The following MACROH2A2 variants were observed in gnomAD, a reference collection of about 807,000 sequenced individuals.
MACROH2A2 encodes the protein core histone macro-H2A.2.
MACROH2A2 carries 6 observed loss-of-function variants against 37.6 expected under a neutral mutation model. The observed-to-expected ratio is 0.16, with a 90% CI of 0.09 to 0.32. The LOEUF (loss-of-function observed/expected upper bound fraction) is 0.32. Among genes scored for constraint, MACROH2A2 ranks in the 10% least tolerant of loss-of-function variants. MACROH2A2 has a pLI of 1.00. For synonymous variants in MACROH2A2, 192 were observed against 202.7 expected, an observed-to-expected ratio of 0.95 and a Z score of 0.45; for missense variants, 290 against 485.9, an observed-to-expected ratio of 0.60 and a Z score of 3.79.
chr10:70,096,748 T>A, intron 6 of MACROH2A2, among the ~76,000 whole-genome samples: 1 of 152,140 alleles, frequency 6.6e-6, no homozygotes, highest in Non-Finnish European at 1.5e-5. Context: ...CAATTTGAGG[T>A]AGATGCTAGT....
chr10:70,083,356 C>A (rs777144072), intron 2 of MACROH2A2, among the ~76,000 whole-genome samples: 1 of 152,208 alleles, frequency 6.6e-6, no homozygotes, highest in Non-Finnish European at 1.5e-5. Flanking sequence ...ACTCTTCTCT[C>A]CCACCCAAAT....
intron 2 of MACROH2A2, among the ~76,000 whole-genome samples, chr10:70,089,524 C>T (rs1589837116): frequency 6.6e-6 from 1 of 152,106 alleles, no homozygotes; most frequent in Admixed American, 6.5e-5. Flanking sequence ...GGCTTGCCTT[C>T]TTTGGCCAAA....
intron 7 of MACROH2A2, among the ~76,000 whole-genome samples, chr10:70,103,558 G>C (rs2072318589): frequency 6.6e-6 from 1 of 152,146 alleles, no homozygotes; most frequent in Non-Finnish European, 1.5e-5. Context: ...AAGTAGAAAA[G>C]CATTATTTAA....
chr10:70,059,961 C>T (rs2072041614), intron 1 of MACROH2A2, among the ~76,000 whole-genome samples: 1 of 152,136 alleles, frequency 6.6e-6, no homozygotes, highest in Admixed American at 6.5e-5. Context: ...CCAGGAGCTA[C>T]AGGGGACCCA....
intron 5 of MACROH2A2, among the ~76,000 whole-genome samples, chr10:70,094,087 T>C (rs1022812938): frequency 6.6e-6 from 1 of 152,190 alleles, no homozygotes; most frequent in Non-Finnish European, 1.5e-5. Flanking sequence ...GGAAGCTCTT[T>C]CTGGTCAGTA....
At chr10:70,074,752 G>A (rs541802593) in intron 1 of MACROH2A2, among the ~76,000 whole-genome samples, 2 of 152,248 alleles carry the variant, frequency 1.3e-5, no homozygotes, top group African/African-American at 2.4e-5. Context: ...TATAAGACGT[G>A]CCTTTCACCT....
chr10:70,071,762 T>C (rs1373551889), intron 1 of MACROH2A2, among the ~76,000 whole-genome samples: 1 of 152,238 alleles, frequency 6.6e-6, no homozygotes, highest in Non-Finnish European at 1.5e-5. Context: ...TGGTAAGTTT[T>C]TGTGTCTCTA....
Position 70,095,656 on chromosome 10 carries a change from G to C in MACROH2A2, c.591G>C (p.Leu197=). The part of the protein sequence containing the change: ...SSKSLVLGQK[L]SLTQSDISHI... ...ACCACCTTTTCTTCCTAATGCAGCT[G>C]TCCTTAACCCAGAGTGACATCAGCC... Residue 197 remains leucine, a splice_region_variant and synonymous_variant, in exon 6 of 9, where the codon CTG becomes CTC. Coordinates refer to ENST00000373255, the MANE Select transcript of MACROH2A2 (RefSeq NM_018649.3). 1 of 1,483,974 alleles carries C rather than the reference G, an allele frequency of 6.7e-7. No individual in the cohort carries two copies. Among genetic ancestry groups the C allele is most frequent in the Non-Finnish European group, 9.4e-7 (1 of 1,062,406 alleles). The allele number at this position is 1,483,974 out of a possible 1,614,324, so 91.9% of individuals were successfully genotyped here. A position where few individuals can be genotyped will look rare whatever the true frequency, so the allele number is the denominator to read the frequency against.
rs759303330 is a variant in MACROH2A2, at chr10:70,109,190, G to A, written c.936G>A (p.Pro312=). The change falls in exon 8 of 9, where the codon CCG becomes CCA. Residue 312 remains proline, a synonymous_variant. Coordinates refer to ENST00000373255, the MANE Select transcript of MACROH2A2 (RefSeq NM_018649.3). ...AGAAGCTAAAGTCCGTCGCGTTCCC[G>A]CCTTTCCCCAGCGGCAGGTAAGATG... is the stretch of plus-strand genomic sequence containing the variant. ...EDKKLKSVAF[P]PFPSGRNCFP... is the part of the protein sequence containing the mutation. 6.8e-6 allele frequency: 11 copies of A among 1,613,856 alleles called. No homozygotes were observed. The highest frequency in any genetic ancestry group is 2.7e-5 in the African/African-American group (2 of 74,934).
At chr10:70,101,659 G>A (rs2072307759) in intron 7 of MACROH2A2, among the ~76,000 whole-genome samples, 1 of 143,220 alleles carries the variant, frequency 7.0e-6, no homozygotes, top group Non-Finnish European at 1.5e-5. Context: ...GTCATGCCCA[G>A]TGCCCCCCTC....
intron 6 of MACROH2A2, 144 bp downstream of exon 6, chr10:70,095,897 C>T (rs964522689): frequency 5.4e-5 from 29 of 541,518 alleles, no homozygotes; most frequent in Non-Finnish European, 7.3e-5. Flanking sequence ...TGAACAGTTT[C>T]ACTAGAGAGA....
chr10:70,097,529 G>A (rs2072282760), intron 6 of MACROH2A2, among the ~76,000 whole-genome samples: 1 of 152,080 alleles, frequency 6.6e-6, no homozygotes, highest in Non-Finnish European at 1.5e-5. Flanking sequence ...ATGTTATTAT[G>A]GGAAAAGTCA....
In MACROH2A2 at chr10:70,054,052, G is replaced by C. The variant is rs568156637; in HGVS notation, c.-60+1052G>C. On this transcript the variant is annotated intron_variant, in intron 1 of 8. Coordinates refer to ENST00000373255, the MANE Select transcript of MACROH2A2 (RefSeq NM_018649.3). Reference sequence around the variant, plus strand: ...GGGTGTCCTCCCCCGCCTTTCCTTGGGGGGGCGCCCTCAGTTCTTGCCCTC... The same window carrying C: ...GGGTGTCCTCCCCCGCCTTTCCTTGCGGGGGCGCCCTCAGTTCTTGCCCTC... Among the ~76,000 whole-genome samples the C allele has an allele frequency of 1.7e-4, 26 of 152,206 alleles. No individual in the cohort carries two copies. In the South Asian group the frequency reaches 1.9e-3, roughly 11 times the overall value.
intron 1 of MACROH2A2, among the ~76,000 whole-genome samples, chr10:70,064,802 CTT>C (rs1205668266): frequency 1.3e-5 from 2 of 152,118 alleles, no homozygotes; most frequent in Non-Finnish European, 2.9e-5. Context: ...AACGAAAACT[CTT>C]TTTGTTCCCA....
At chr10:70,079,567 A>G (rs148518903) in intron 2 of MACROH2A2, among the ~76,000 whole-genome samples, 9,891 of 97,600 alleles carry the variant, frequency 0.1, 371 homozygotes, top group East Asian at 0.3. Flanking sequence ...GCGCGCGCGC[A>G]CACACACACA....
intron 4 of MACROH2A2, 84 bp from the exon 5 acceptor site, chr10:70,093,651 G>A (rs2072259157): frequency 2.8e-6 from 2 of 702,848 alleles, no homozygotes; most frequent in Admixed American, 2.3e-5. Context: ...TCAACTTGGT[G>A]GCAGCCGTGA....
chr10:70,056,802 G>A (rs192518168), intron 1 of MACROH2A2, among the ~76,000 whole-genome samples: 1 of 152,274 alleles, frequency 6.6e-6, no homozygotes, highest in East Asian at 1.9e-4. Flanking sequence ...CCAAGGTTCA[G>A]GTTGAAGGAT....
chr10:70,089,521 C>T (rs931911010), intron 2 of MACROH2A2, among the ~76,000 whole-genome samples: 3 of 152,118 alleles, frequency 2.0e-5, no homozygotes, highest in African/African-American at 7.2e-5. Context: ...AATGGCTTGC[C>T]TTCTTTGGCC....
intron 7 of MACROH2A2, among the ~76,000 whole-genome samples, chr10:70,106,280 A>C (rs969408463): frequency 2.6e-5 from 4 of 152,194 alleles, no homozygotes; most frequent in Admixed American, 1.3e-4. Flanking sequence ...CATTATGTGG[A>C]TAGGTGCTTA....
Sources: gnomAD v4.1 joint callset for allele counts (sites outside exome capture counted in the v4.1 genomes callset) on GRCh38, gnomAD v4.1.1 for gene constraint, MANE v1.5 for transcripts, NCBI Gene and HGNC (gene_info 2026-07-23, HGNC 2026-07-21) for gene names.